SGK2: variants seen among roughly 807,000 people sequenced by gnomAD.
SGK2 encodes serum/glucocorticoid regulated kinase 2.
In SGK2, 36 loss-of-function variants were observed where a neutral mutation model predicts 47.5. The observed-to-expected ratio is 0.76, with a 90% CI of 0.58 to 1.00. SGK2 has a LOEUF of 1.00. Among genes scored for constraint, SGK2 ranks in the 50% least tolerant of loss-of-function variants. The pLI, the probability that SGK2 is intolerant of heterozygous loss-of-function variation, is 0.00. For synonymous variants in SGK2, 157 were observed against 181.9 expected, an observed-to-expected ratio of 0.86 and a Z score of 1.10; for missense variants, 404 against 467.4, an observed-to-expected ratio of 0.86 and a Z score of 1.25.
intron 9 of SGK2, among the ~76,000 whole-genome samples, chr20:43,574,021 A>G (rs1218442760): frequency 6.6e-6 from 1 of 152,194 alleles, no homozygotes; most frequent in Non-Finnish European, 1.5e-5. Flanking sequence ...ATATGTTAGC[A>G]TCTTAGAACA....
chr20:43,584,115 G>A (rs1980965560), intron 12 of SGK2, among the ~76,000 whole-genome samples: 1 of 152,154 alleles, frequency 6.6e-6, no homozygotes, highest in Admixed American at 6.5e-5. Context: ...CCATGCCTGG[G>A]AGTTGGCAGG....
rs974494165 is a variant in SGK2, at chr20:43,563,158, GA to G, written c.-23-3306del. On this transcript the variant is annotated intron_variant, in intron 1 of 12. Coordinates refer to ENST00000373100, the MANE Select transcript of SGK2 (RefSeq NM_170693.3). ...CTCAAAAAAAAAAAAAAGAAAGAAA[GA>G]AAAAAAAAGATTTGGGAACTGACAA... 1.0e-4 allele frequency among the ~76,000 whole-genome samples: 15 copies of G among 143,690 alleles called. 1 individual carries two copies. Among genetic ancestry groups the G allele is most frequent in the Admixed American group, 1.4e-4 (2 of 14,592 alleles). The allele number at this position is 143,690 out of a possible 152,430, so 94.3% of individuals were successfully genotyped here.
intron 1 of SGK2, among the ~76,000 whole-genome samples, chr20:43,562,410 C>G (rs1359462132): frequency 4.4e-5 from 5 of 113,214 alleles, no homozygotes; most frequent in Non-Finnish European, 5.1e-5. Context: ...AGAGCTAAAC[C>G]ATGTCTCAAA....
chr20:43,581,036 C>T (rs549611430), intron 12 of SGK2, among the ~76,000 whole-genome samples: 3 of 151,820 alleles, frequency 2.0e-5, no homozygotes, highest in African/African-American at 4.8e-5. Context: ...CCACCATGCC[C>T]GGCTAATTTT....
intron 1 of SGK2, among the ~76,000 whole-genome samples, chr20:43,561,904 G>A (rs1328067749): frequency 6.6e-6 from 1 of 152,148 alleles, no homozygotes; most frequent in East Asian, 1.9e-4. Context: ...AGCAATGATG[G>A]TGAGCAGCAA....
chr20:43,564,503 A>G (rs1042594016), intron 1 of SGK2, among the ~76,000 whole-genome samples: 4 of 152,062 alleles, frequency 2.6e-5, no homozygotes, highest in Admixed American at 6.5e-5. Flanking sequence ...GCGCACACAC[A>G]TACACACACA....
At chr20:43,582,213 C>G (rs1980840287) in intron 12 of SGK2, among the ~76,000 whole-genome samples, 1 of 151,132 alleles carries the variant, frequency 6.6e-6, no homozygotes, top group Non-Finnish European at 1.5e-5. Flanking sequence ...GTGGGTGCCA[C>G]CACACCTAGC....
Position 43,580,021 on chromosome 20 carries a change from T to C in SGK2, c.899T>C (p.Leu300Pro). The C allele has an allele frequency of 1.2e-6, 2 of 1,611,416 alleles. No homozygotes were observed. Among genetic ancestry groups the C allele is most frequent in the East Asian group, 2.2e-5 (1 of 44,764 alleles). Residue 300 changes from leucine (L) to proline (P), a missense_variant, in exon 12 of 13, where the codon CTG becomes CCG. Transcript: ENST00000373100. ...VFFSPINWDDLYHKRLTPPFN... is the reference protein window; with the variant it reads ...VFFSPINWDDPYHKRLTPPFN... ...TTCAGCCCCATAAACTGGGATGACC[T>C]GTACCACAAGAGGCTAACTCCACCC... is the stretch of plus-strand genomic sequence containing the variant.
chr20:43,576,300 G>A lies in SGK2; in HGVS notation c.770G>A (p.Arg257Gln), dbSNP rs768185787. Reference protein sequence around the residue: ...LHQPLQIPGGRTVAACDLLQS... With the variant: ...LHQPLQIPGGQTVAACDLLQS... ...CAGCCGCTACAGATCCCCGGAGGCC[G>A]GACAGTGGCCGCCTGTGACCTCCTG... The change falls in exon 11 of 13, where the codon CGG becomes CAG. Residue 257 changes from arginine (R) to glutamine (Q), a missense_variant. Arg to Gln is a conservative substitution (Grantham distance 43). Coordinates refer to ENST00000373100, the MANE Select transcript of SGK2 (RefSeq NM_170693.3). 1.6e-5 allele frequency: 26 copies of A among 1,614,060 alleles called. No individual in the cohort carries two copies. Among genetic ancestry groups the A allele is most frequent in the Middle Eastern group, 1.6e-4 (1 of 6,084 alleles).
intron 12 of SGK2, among the ~76,000 whole-genome samples, chr20:43,580,557 A>G (rs1005431914): frequency 2.6e-5 from 4 of 151,748 alleles, no homozygotes; most frequent in Admixed American, 2.6e-4. Context: ...GTGAAACCCC[A>G]TCTTTACTAA....
intron 5 of SGK2, 25 bp from the exon 6 acceptor site, chr20:43,569,360 G>T: frequency 6.2e-7 from 1 of 1,612,648 alleles, no homozygotes; most frequent in Non-Finnish European, 8.5e-7. Context: ...CTGTGACATG[G>T]ACCCCTCTCT....
chr20:43,571,972 C>A, intron 8 of SGK2, 79 bp from the exon 9 acceptor site: 2 of 973,462 alleles, frequency 2.1e-6, no homozygotes, highest in African/African-American at 1.6e-5. Flanking sequence ...TGGGGTGTGG[C>A]ATCTGGGCTT....
At chr20:43,573,447 T>C (rs555561516) in intron 9 of SGK2, among the ~76,000 whole-genome samples, 4 of 141,750 alleles carry the variant, frequency 2.8e-5, no homozygotes, top group African/African-American at 1.1e-4. Flanking sequence ...CGAGATCGGG[T>C]CATTGCACTC....
intron 1 of SGK2, chr20:43,565,810 G>A (rs1979668386): frequency 6.5e-6 from 1 of 152,742 alleles, no homozygotes; most frequent in Admixed American, 6.5e-5. Context: ...AGATCAGCTG[G>A]TCACACCTTC....
At chr20:43,583,361 T>C in intron 12 of SGK2, 1 of 1,274,304 alleles carries the variant, frequency 7.8e-7, no homozygotes, top group South Asian at 1.3e-5. Flanking sequence ...CACCTACCAT[T>C]TGTGAGGTCT....
At chr20:43,575,705 A>C (rs2145551450) in intron 10 of SGK2, among the ~76,000 whole-genome samples, 1 of 152,230 alleles carries the variant, frequency 6.6e-6, no homozygotes, top group Non-Finnish European at 1.5e-5. Context: ...TTTGCTTTGA[A>C]GTGGTTTCAC....
At chr20:43,568,250 C>T (rs578130049) in intron 5 of SGK2, among the ~76,000 whole-genome samples, 13 of 152,326 alleles carry the variant, frequency 8.5e-5, no homozygotes, top group East Asian at 3.9e-4. Context: ...ACAGGCTCCA[C>T]GATGGACAAG....
At chr20:43,569,540 T>C in intron 6 of SGK2, 24 bp downstream of exon 6, 1 of 1,609,772 alleles carries the variant, frequency 6.2e-7, no homozygotes, top group Non-Finnish European at 8.5e-7. Context: ...CAGGGAGGCT[T>C]CCCTGGGCTG....
chr20:43,571,369 G>A (rs1228154183), intron 8 of SGK2, among the ~76,000 whole-genome samples: 1 of 152,154 alleles, frequency 6.6e-6, no homozygotes, highest in Non-Finnish European at 1.5e-5. Context: ...ATGGAGAGGA[G>A]GCAGAAGCTT....
Sources: allele counts gnomAD v4.1 joint callset (sites outside exome capture counted in the v4.1 genomes callset), GRCh38; gene constraint gnomAD v4.1.1; transcripts MANE v1.5; gene names NCBI Gene and HGNC (gene_info 2026-07-23, HGNC 2026-07-21).